The following COPS3 variants were observed in gnomAD, a reference collection of about 807,000 sequenced individuals.
COPS3 encodes the protein COP9 signalosome subunit 3, also known as COP9 signalosome complex subunit 3.
Under a neutral mutation model 58.2 loss-of-function variants are expected in COPS3, and 10 were observed. The observed-to-expected ratio is 0.17, with a 90% CI of 0.11 to 0.29. The LOEUF (loss-of-function observed/expected upper bound fraction) is 0.29. Ranked by LOEUF, COPS3 falls within the 10% of genes least tolerant of loss-of-function variation. The pLI is 1.00. For missense variants in COPS3, 333 were observed against 510.1 expected (o/e 0.65, Z 3.34); for synonymous variants, 187 against 181.7 (o/e 1.03, Z -0.24).
chr17:17,261,085 G>C (rs1245631559), intron 7 of COPS3, among the ~76,000 whole-genome samples: 3 of 152,150 alleles, frequency 2.0e-5, no homozygotes, highest in Non-Finnish European at 2.9e-5. Context: ...TTTAGTGAAG[G>C]CACACGTCTT....
At chr17:17,249,235 GA>G (rs568430550) in intron 9 of COPS3, among the ~76,000 whole-genome samples, 196 bp from the exon 10 acceptor site, 3 of 152,192 alleles carry the variant, frequency 2.0e-5, no homozygotes, top group Non-Finnish European at 4.4e-5. Flanking sequence ...TAGATGCTAA[GA>G]GGTGTAAAAC....
chr17:17,268,700 TC>T (rs1384988680), intron 4 of COPS3, among the ~76,000 whole-genome samples: 3 of 151,900 alleles, frequency 2.0e-5, no homozygotes, highest in African/African-American at 4.8e-5. Context: ...GTGCCTGTGG[TC>T]CCAGCTACTC....
intron 5 of COPS3, among the ~76,000 whole-genome samples, chr17:17,266,888 A>T (rs2048233924): frequency 6.6e-6 from 1 of 150,988 alleles, no homozygotes; most frequent in African/African-American, 2.4e-5. Context: ...ATTTTTTTTT[A>T]GTAGAGATGG....
intron 7 of COPS3, 65 bp downstream of exon 7, chr17:17,261,901 C>G: frequency 7.2e-7 from 1 of 1,398,436 alleles, no homozygotes; most frequent in Non-Finnish European, 9.8e-7. Flanking sequence ...AGAACTGTAT[C>G]ATTGCAATTT....
rs1491047483 is a variant in COPS3, at chr17:17,254,815, A to AAAG, written c.1023+43_1023+44insCTT. 22 of 493,180 alleles carry AAAG rather than the reference A, an allele frequency of 4.5e-5. No homozygotes were observed. In the African/African-American group the frequency reaches 1.4e-3, roughly 32 times the overall value. 30.6% of individuals were successfully genotyped at this position (493,180 alleles called of 1,614,324 possible). ...CAGAGCGAGACTCCATCTCAAAAAG[A>AAAG]AAAAAAAAAAAAAAAAAGAAAAAGA... On this transcript the variant is annotated intron_variant, in intron 9 of 11. Transcript: ENST00000268717.
intron 4 of COPS3, among the ~76,000 whole-genome samples, chr17:17,268,197 T>G (rs2048269486): frequency 6.6e-6 from 1 of 152,244 alleles, no homozygotes; most frequent in African/African-American, 2.4e-5. Context: ...CACCATTTTT[T>G]AAATCATAAA....
chr17:17,272,824 C>T (rs1430777853), intron 2 of COPS3, among the ~76,000 whole-genome samples: 6 of 152,098 alleles, frequency 3.9e-5, no homozygotes, highest in Admixed American at 6.6e-5. Flanking sequence ...ATTGCTTGAG[C>T]CCAGAAGTTC....
At chr17:17,253,244 T>C (rs979757598) in intron 9 of COPS3, among the ~76,000 whole-genome samples, 9 of 151,798 alleles carry the variant, frequency 5.9e-5, no homozygotes, top group African/African-American at 2.2e-4. Flanking sequence ...AATCAATCAA[T>C]CAAAATACTC....
At position 17,281,235 on chromosome 17, in the gene COPS3, G is replaced by A. The variant is rs754196066; in HGVS notation, c.-49C>T. 27 of 1,582,464 alleles carry A rather than the reference G, an allele frequency of 1.7e-5. No homozygotes were observed. The highest frequency in any genetic ancestry group is 2.2e-5 in the Non-Finnish European group (26 of 1,162,802). On this transcript the variant is annotated 5_prime_UTR_variant, in exon 1 of 12. Coordinates refer to ENST00000268717, the MANE Select transcript of COPS3 (RefSeq NM_003653.4). ...GGCGAAGGCAGCACGCGCGGGAAAA[G>A]GCTGCCGCTCTGGGAGGAGGGGCCG...
intron 5 of COPS3, among the ~76,000 whole-genome samples, chr17:17,266,006 G>A (rs936781044): frequency 1.3e-5 from 2 of 152,266 alleles, no homozygotes; most frequent in South Asian, 2.1e-4. Flanking sequence ...GTAGACATGC[G>A]TACAAACTCA....
chr17:17,247,093 T>C lies in COPS3; in HGVS notation c.*5A>G, dbSNP rs1366576098. 1 of 1,612,980 alleles carries C rather than the reference T, an allele frequency of 6.2e-7. No homozygotes were observed. The highest frequency in any genetic ancestry group is 1.3e-5 in the African/African-American group (1 of 74,908). ...CTCTTGTTTAGCTCAGGATGGATGT[T>C]AGTTTCAAGAATAACTGGATGGTTT... On this transcript the variant is annotated 3_prime_UTR_variant, in exon 12 of 12. Coordinates refer to ENST00000268717, the MANE Select transcript of COPS3 (RefSeq NM_003653.4).
At chr17:17,265,274 A>C (rs940596168) in intron 5 of COPS3, among the ~76,000 whole-genome samples, 11 of 152,194 alleles carry the variant, frequency 7.2e-5, no homozygotes, top group African/African-American at 2.7e-4. Context: ...CCAAGTTGGC[A>C]TTCTAAAGAT....
intron 9 of COPS3, among the ~76,000 whole-genome samples, chr17:17,254,237 A>G (rs889611999): frequency 6.9e-6 from 1 of 145,586 alleles, no homozygotes; most frequent in African/African-American, 2.6e-5. Context: ...AAACCCAGGG[A>G]ATTGAGGCTG....
intron 9 of COPS3, among the ~76,000 whole-genome samples, chr17:17,250,381 AGTAGCT>A (rs2047816919): frequency 6.6e-6 from 1 of 151,584 alleles, no homozygotes; most frequent in South Asian, 2.1e-4. Flanking sequence ...CGGCCTCCTA[AGTAGCT>A]GGGACTACAG....
rs10529108 is a variant in COPS3, at chr17:17,255,485, C to CAAAAAAAA, written c.937-548_937-541dup. Among the ~76,000 whole-genome samples, 220 of 129,002 alleles carry CAAAAAAAA rather than the reference C, an allele frequency of 1.7e-3. 16 individuals carry two copies. The highest frequency in any genetic ancestry group is 4.1e-3 in the Middle Eastern group (1 of 244). The allele number at this position is 129,002 out of a possible 152,430, so 84.6% of individuals were successfully genotyped here. A position where few individuals can be genotyped will look rare whatever the true frequency, so the allele number is the denominator to read the frequency against. On this transcript the variant is annotated intron_variant, in intron 8 of 11. Coordinates refer to ENST00000268717, the MANE Select transcript of COPS3 (RefSeq NM_003653.4). ...TGGACGACAGAGCAAGACTCTATTTCAAAAAAAAAAGTGTACAGAGCTCTT... is the reference window on the plus strand; with the variant it reads ...TGGACGACAGAGCAAGACTCTATTTCAAAAAAAAAAAAAAAAAAGTGTACAGAGCTCTT...
Position 17,276,104 on chromosome 17 carries a change from A to G in COPS3, c.116T>C (p.Leu39Ser). 1.3e-5 allele frequency: 21 copies of G among 1,614,134 alleles called. No homozygotes were observed. The highest frequency in any genetic ancestry group is 1.8e-5 in the Non-Finnish European group (21 of 1,179,990). Residue 39 changes from leucine to serine, a missense_variant, in exon 2 of 12, where the codon TTA (leucine) becomes TCA (serine). Coordinates refer to ENST00000268717, the MANE Select transcript of COPS3 (RefSeq NM_003653.4). ...CCCGAGCACAGTGTCCAGATGGGAT[A>G]AGTTCTTCGCAAGGAGTTCCCCACT... ...NKSGELLAKN[L>S]SHLDTVLGAL...
chr17:17,275,179 C>T (rs900047224), intron 2 of COPS3, among the ~76,000 whole-genome samples: 3 of 151,108 alleles, frequency 2.0e-5, no homozygotes, highest in Non-Finnish European at 4.4e-5. Context: ...CAACCTCTGC[C>T]TTCCAGGCTC....
intron 7 of COPS3, chr17:17,260,802 CAAAAA>C: frequency 1.1e-5 from 1 of 88,248 alleles, no homozygotes; most frequent in Non-Finnish European, 2.5e-5. Context: ...AACTCCGTCT[CAAAAA>C]AAAAAAAAAA....
At chr17:17,261,526 CTAAA>C (rs56073511) in intron 7 of COPS3, 9,913 of 293,760 alleles carry the variant, frequency 0.034, 469 homozygotes, top group African/African-American at 0.069. Flanking sequence ...AACTCCATTT[CTAAA>C]TAAATAAATA....
Sources: gnomAD v4.1 joint callset for allele counts (sites outside exome capture counted in the v4.1 genomes callset) on GRCh38, gnomAD v4.1.1 for gene constraint, MANE v1.5 for transcripts, NCBI Gene and HGNC (gene_info 2026-07-23, HGNC 2026-07-21) for gene names.